The following ATP8A1 variants were observed in gnomAD, a reference collection of about 807,000 sequenced individuals.
ATP8A1 encodes the protein ATPase phospholipid transporting 8A1, also known as phospholipid-transporting ATPase IA.
A neutral mutation model predicts 177.7 loss-of-function variants in ATP8A1; 90 were observed. The observed-to-expected ratio is 0.51, with a 90% CI of 0.43 to 0.60. The LOEUF (loss-of-function observed/expected upper bound fraction) is 0.60, where lower values mean the gene tolerates loss of function less well. ATP8A1 is among the 20% of genes least tolerant of loss of function. ATP8A1 has a pLI of 0.00. For missense variants in ATP8A1, 1,072 were observed against 1,392.8 expected, an observed-to-expected ratio of 0.77 and a Z score of 3.67; for synonymous variants, 493 against 485.9, an observed-to-expected ratio of 1.01 and a Z score of -0.19.
rs929924539 is a variant in ATP8A1, at chr4:42,588,169, A to G, written c.594+91T>C. On this transcript the variant is annotated intron_variant, in intron 8 of 36. Coordinates refer to ENST00000381668, the MANE Select transcript of ATP8A1 (RefSeq NM_006095.2). ...TGGGAACATATTTGCAATAGGACAG[A>G]TTAGTTCAAGACAATAACACAAAGA... The G allele has an allele frequency of 6.5e-6, 7 of 1,080,932 alleles. No individual in the cohort carries two copies. The African/African-American group carries it at 1.1e-4, about 17-fold the overall frequency. The allele number at this position is 1,080,932 out of a possible 1,614,324, so 67.0% of individuals were successfully genotyped here. A position where few individuals can be genotyped will look rare whatever the true frequency, so the allele number is the denominator to read the frequency against.
intron 9 of ATP8A1, among the ~76,000 whole-genome samples, chr4:42,584,499 T>C (rs1733422082): frequency 6.6e-6 from 1 of 152,232 alleles, no homozygotes; most frequent in African/African-American, 2.4e-5. Context: ...GTCAGTCTCA[T>C]TGTACTTGAC....
At chr4:42,626,908 C>A in intron 2 of ATP8A1, 87 bp downstream of exon 2, 1 of 973,422 alleles carries the variant, frequency 1.0e-6, no homozygotes, top group Non-Finnish European at 1.6e-6. Flanking sequence ...ACTGACTGCA[C>A]TGAAAGCTCT....
chr4:42,547,973 G>A (rs1320585408), intron 19 of ATP8A1, among the ~76,000 whole-genome samples: 1 of 152,148 alleles, frequency 6.6e-6, no homozygotes, highest in South Asian at 2.1e-4. Context: ...GAATGGTCAC[G>A]CAGTCTTTAA....
Position 42,596,744 on chromosome 4 carries a change from G to C in ATP8A1, c.450+3734C>G, listed in dbSNP as rs554390165. ...CTTCATGCACAAAAGTGGCTTTACAGAGTAACTTTTACACATGCATACAGC... is the reference window on the plus strand; with the variant it reads ...CTTCATGCACAAAAGTGGCTTTACACAGTAACTTTTACACATGCATACAGC... On this transcript the variant is annotated intron_variant, in intron 6 of 36. Coordinates refer to ENST00000381668, the MANE Select transcript of ATP8A1 (RefSeq NM_006095.2). 5.3e-5 allele frequency among the ~76,000 whole-genome samples: 8 copies of C among 151,416 alleles called. No individual in the cohort carries two copies. The South Asian group carries it at 1.7e-3, about 32-fold the overall frequency.
At chr4:42,630,716 C>G (rs1294672283) in intron 1 of ATP8A1, among the ~76,000 whole-genome samples, 1 of 152,214 alleles carries the variant, frequency 6.6e-6, no homozygotes, top group Non-Finnish European at 1.5e-5. Flanking sequence ...CTCAGTGCCC[C>G]ACCCATTTTC....
At chr4:42,511,237 T>C (rs1724972314) in intron 22 of ATP8A1, among the ~76,000 whole-genome samples, 2 of 152,190 alleles carry the variant, frequency 1.3e-5, no homozygotes, top group African/African-American at 2.4e-5. Flanking sequence ...TTGTTAGCTA[T>C]ATAATGATCA....
At chr4:42,589,522 G>C (rs1458992462) in intron 7 of ATP8A1, among the ~76,000 whole-genome samples, 1 of 152,116 alleles carries the variant, frequency 6.6e-6, no homozygotes, top group Non-Finnish European at 1.5e-5. Flanking sequence ...ATATTTTACT[G>C]ATTCATTTTA....
At chr4:42,453,723 A>T (rs1333082755) in intron 29 of ATP8A1, among the ~76,000 whole-genome samples, 3 of 152,332 alleles carry the variant, frequency 2.0e-5, no homozygotes, top group Middle Eastern at 6.8e-3. Flanking sequence ...GTTAGAGGCT[A>T]AATTCAGAGA....
At chr4:42,647,194 A>G (rs1740625577) in intron 1 of ATP8A1, among the ~76,000 whole-genome samples, 1 of 151,968 alleles carries the variant, frequency 6.6e-6, no homozygotes, top group African/African-American at 2.4e-5. Context: ...TTAAGAAGGG[A>G]GCTGAAGACT....
chr4:42,545,288 A>T (rs1728789111), intron 19 of ATP8A1, among the ~76,000 whole-genome samples: 1 of 152,064 alleles, frequency 6.6e-6, no homozygotes, highest in Admixed American at 6.6e-5. Flanking sequence ...CTTTGTAATG[A>T]CACCTATACA....
intron 5 of ATP8A1, among the ~76,000 whole-genome samples, chr4:42,611,619 C>T (rs1160995783): frequency 6.6e-6 from 1 of 151,566 alleles, no homozygotes; most frequent in African/African-American, 2.4e-5. Flanking sequence ...CCATCCTTTC[C>T]CAGGCCCCCA....
chr4:42,452,034 C>T lies in ATP8A1; in HGVS notation c.2843G>A (p.Gly948Asp). 1 of 1,612,744 alleles carries T rather than the reference C, an allele frequency of 6.2e-7. No individual in the cohort carries two copies. Among genetic ancestry groups the T allele is most frequent in the Non-Finnish European group, 8.5e-7 (1 of 1,179,284 alleles). Residue 948 changes from glycine to aspartate, a missense_variant, in exon 30 of 37, where the codon GGC (glycine) becomes GAC (aspartate). Coordinates refer to ENST00000381668, the MANE Select transcript of ATP8A1 (RefSeq NM_006095.2). ...AAACAGAATAACTGAGTGGAAGAGG[C>T]CATTTAAACAATGAACCCAGAAAAC... ...TKVFWVHCLN[G>D]LFHSVILFWF...
At chr4:42,622,451 A>G (rs755281794) in intron 4 of ATP8A1, among the ~76,000 whole-genome samples, 12 of 152,148 alleles carry the variant, frequency 7.9e-5, no homozygotes, top group Non-Finnish European at 1.5e-4. Context: ...CCCTGGAAGA[A>G]AACCTAGGCA....
At chr4:42,637,173 T>C (rs375981261) in intron 1 of ATP8A1, 6 of 518,824 alleles carry the variant, frequency 1.2e-5, no homozygotes, top group African/African-American at 9.6e-5. Flanking sequence ...CTGATCAACA[T>C]GGAATGATGA....
At chr4:42,589,155 T>G (rs534481661) in intron 7 of ATP8A1, among the ~76,000 whole-genome samples, 1 of 152,306 alleles carries the variant, frequency 6.6e-6, no homozygotes, top group South Asian at 2.1e-4. Context: ...TCTTTCCCTT[T>G]CACATGCTGA....
At chr4:42,448,401 C>CTTTTTTCTTTT (rs1553875019) in intron 30 of ATP8A1, among the ~76,000 whole-genome samples, 22 of 99,558 alleles carry the variant, frequency 2.2e-4, no homozygotes, top group African/African-American at 7.6e-4. Context: ...TCTTTCTTTT[C>CTTTTTTCTTTT]TTTTTTTTTT....
chr4:42,412,036 ATCTACTGCATTAGCCAGAT>A lies in ATP8A1; in HGVS notation c.*861_*879del. 1 of 152,214 alleles carries A rather than the reference ATCTACTGCATTAGCCAGAT, an allele frequency of 6.6e-6. No individual in the cohort carries two copies. Among genetic ancestry groups the A allele is most frequent in the East Asian group, 1.9e-4 (1 of 5,204 alleles). The allele number at this position is 152,214 out of a possible 1,614,324, so 9.4% of individuals were successfully genotyped here. Reference sequence around the variant, plus strand: ...CTTTAAGACAAAATGACATCACTCAATCTACTGCATTAGCCAGATTTTTAGAAAAATCTAAATGATGATG... The same window carrying A: ...CTTTAAGACAAAATGACATCACTCAATTTTAGAAAAATCTAAATGATGATG... On this transcript the variant is annotated 3_prime_UTR_variant, in exon 37 of 37. Transcript: ENST00000381668.
chr4:42,515,859 A>T (rs1450824886), intron 22 of ATP8A1, among the ~76,000 whole-genome samples: 1 of 152,262 alleles, frequency 6.6e-6, no homozygotes, highest in Non-Finnish European at 1.5e-5. Context: ...TATATCAAGT[A>T]ACTTTGAAGA....
At chr4:42,522,385 A>AC in intron 21 of ATP8A1, 86 bp from the exon 22 acceptor site, 1 of 1,501,252 alleles carries the variant, frequency 6.7e-7, no homozygotes, top group Non-Finnish European at 9.0e-7. Context: ...ACAAAGTCCC[A>AC]TTTTGAAAAA....
Sources: gnomAD v4.1 joint callset for allele counts (sites outside exome capture counted in the v4.1 genomes callset) on GRCh38, gnomAD v4.1.1 for gene constraint, MANE v1.5 for transcripts, NCBI Gene and HGNC (gene_info 2026-07-23, HGNC 2026-07-21) for gene names.